Variants in IGF2R observed in about 807,000 individuals in gnomAD.
IGF2R encodes the protein insulin like growth factor 2 receptor.
In IGF2R, 91 loss-of-function variants were observed where a neutral mutation model predicts 270.6. That is an observed-to-expected ratio of 0.34 (90% CI 0.28 to 0.40). The LOEUF is 0.40. Ranked by LOEUF, IGF2R falls within the 10% of genes least tolerant of loss-of-function variation. The pLI, the probability that IGF2R is intolerant of heterozygous loss-of-function variation, is 1.00. For synonymous variants in IGF2R, 1,316 were observed against 1,258.9 expected, an observed-to-expected ratio of 1.05 and a Z score of -0.96; for missense variants, 2,805 against 3,188.3, an observed-to-expected ratio of 0.88 and a Z score of 2.90.
chr6:160,080,139 C>T lies in IGF2R; in HGVS notation c.5697C>T (p.Asp1899=), dbSNP rs143030499. 35 of 1,613,872 alleles carry T rather than the reference C, an allele frequency of 2.2e-5. No homozygotes were observed. The highest frequency in any genetic ancestry group is 3.3e-4 in the Middle Eastern group (2 of 6,082). The change falls in exon 39 of 48, where the codon GAC becomes GAT. Residue 1899 remains aspartate, a synonymous_variant. Coordinates refer to ENST00000356956, the MANE Select transcript of IGF2R (RefSeq NM_000876.4). ...NGDRCPPETD[D]GVPCVFPFIF... Reference sequence around the variant, plus strand: ...TCTTCTTCTTTCCAGAAACCGATGACGGCGTCCCCTGTGTCTTCCCCTTCA... The same window carrying T: ...TCTTCTTCTTTCCAGAAACCGATGATGGCGTCCCCTGTGTCTTCCCCTTCA...
Position 160,058,799 on chromosome 6 carries a change from A to G in IGF2R, c.2899-107A>G, listed in dbSNP as rs533449353. 1.5e-5 allele frequency: 15 copies of G among 996,398 alleles called. No homozygotes were observed. In the East Asian group the frequency reaches 2.4e-4, roughly 16 times the overall value. 61.7% of individuals were successfully genotyped at this position (996,398 alleles called of 1,614,324 possible). A position where few individuals can be genotyped will look rare whatever the true frequency, so the allele number is the denominator to read the frequency against. On this transcript the variant is annotated intron_variant, in intron 21 of 47. Transcript: ENST00000356956. The stretch of plus-strand genomic sequence containing the variant: ...TGGAAAGTTGGCAAGTTAACTAACA[A>G]ATAAGAAATGTTTAACCTAGTGGGA...
intron 1 of IGF2R, among the ~76,000 whole-genome samples, chr6:159,973,617 TC>T (rs1250530083): frequency 6.6e-6 from 1 of 152,176 alleles, no homozygotes; most frequent in Non-Finnish European, 1.5e-5. Flanking sequence ...CTGGATCACA[TC>T]CATTTGTGTG....
chr6:160,065,814 G>GTGTGTGTGTGTATATATATATATATATA, intron 29 of IGF2R, among the ~76,000 whole-genome samples: 1 of 78,392 alleles, frequency 1.3e-5, no homozygotes, highest in Non-Finnish European at 2.3e-5. Context: ...GTGTGTGTGT[G>GTGTGTGTGTGTATATATATATATATATA]TATATATATA....
rs752366051 is a variant in IGF2R at position 160,069,930 on chromosome 6, A to C, written c.4315A>C (p.Arg1439=). ...TGGCTCCAAGCCCGTGAACCTCGGC[A>C]GGGTAAGGGACGGACCTCAGTGGAG... ...LGGSKPVNLG[R]VRDGPQWRDG... is the part of the protein sequence containing the mutation. The change falls in exon 31 of 48, where the codon AGG becomes CGG. Residue 1439 remains arginine, a synonymous_variant. Transcript: ENST00000356956. 7.4e-6 allele frequency: 12 copies of C among 1,614,082 alleles called. No homozygotes were observed. The highest frequency in any genetic ancestry group is 3.3e-4 in the Middle Eastern group (2 of 6,084).
At chr6:160,053,639 C>T (rs946193585) in intron 19 of IGF2R, among the ~76,000 whole-genome samples, 11 of 152,026 alleles carry the variant, frequency 7.2e-5, no homozygotes, top group African/African-American at 2.7e-4. Flanking sequence ...ATTAAACTGA[C>T]CATTCTGACT....
At position 160,059,025 on chromosome 6, in the gene IGF2R, A is replaced by G. The variant is rs1333946455; in HGVS notation, c.3018A>G (p.Gly1006=). 2.5e-6 allele frequency: 4 copies of G among 1,614,252 alleles called. No homozygotes were observed. Among genetic ancestry groups the G allele is most frequent in the Non-Finnish European group, 3.4e-6 (4 of 1,180,042 alleles). ...LKNWKPARPV[G]IEKSLQLSTE... is the part of the protein sequence containing the mutation. Reference sequence around the variant, plus strand: ...ATTGGAAGCCAGCAAGGCCAGTCGGAATTGAGAAAAGCCTCCAGCTGTCCA... The same window carrying G: ...ATTGGAAGCCAGCAAGGCCAGTCGGGATTGAGAAAAGCCTCCAGCTGTCCA... The change falls in exon 22 of 48, where the codon GGA becomes GGG. Residue 1006 remains glycine, a synonymous_variant. Coordinates refer to ENST00000356956, the MANE Select transcript of IGF2R (RefSeq NM_000876.4).
chr6:160,049,848 G>A (rs1116262), intron 18 of IGF2R, among the ~76,000 whole-genome samples: 5,703 of 152,276 alleles, frequency 0.037, 180 homozygotes, highest in East Asian at 0.098. Context: ...CAGTCAGTAC[G>A]CTGAGACATT....
chr6:159,999,669 T>C (rs1784100032), intron 2 of IGF2R, among the ~76,000 whole-genome samples: 1 of 152,164 alleles, frequency 6.6e-6, no homozygotes, highest in African/African-American at 2.4e-5. Context: ...ACAGAAGAGC[T>C]AGCATAGAAA....
At chr6:160,049,427 C>T (rs1016195181) in intron 18 of IGF2R, among the ~76,000 whole-genome samples, 1 of 152,172 alleles carries the variant, frequency 6.6e-6, no homozygotes, top group African/African-American at 2.4e-5. Context: ...AACAGGGGGA[C>T]ACTCTGGCCT....
At chr6:159,999,574 G>A (rs1179143540) in intron 2 of IGF2R, among the ~76,000 whole-genome samples, 2 of 152,144 alleles carry the variant, frequency 1.3e-5, no homozygotes, top group African/African-American at 4.8e-5. Flanking sequence ...ATCTGAGAAC[G>A]AACTTCTTTT....
At chr6:160,036,903 G>GAGCT (rs146030825) in intron 10 of IGF2R, among the ~76,000 whole-genome samples, 1 of 152,274 alleles carries the variant, frequency 6.6e-6, no homozygotes, top group African/African-American at 2.4e-5. Context: ...GGCCCAGAGG[G>GAGCT]AGCTAAAGCC....
chr6:160,079,533 C>A, intron 37 of IGF2R, 47 bp from the exon 38 acceptor site: 1 of 1,323,000 alleles, frequency 7.6e-7, no homozygotes, highest in Non-Finnish European at 9.8e-7. Flanking sequence ...CACTTTGAGA[C>A]CTGGGTGCTG....
chr6:160,048,541 C>G lies in IGF2R; in HGVS notation c.2512C>G (p.Gln838Glu). ...TTGCCAGATGAAGTATGAAAAAGAT[C>G]AGGTGAATCTGTTTTCACTGCTTGT... ...SACQMKYEKD[Q>E]GSFTEVVSIS... Residue 838 changes from glutamine (Q) to glutamate (E), a missense_variant and splice_region_variant, in exon 18 of 48, where the codon CAG becomes GAG. By Grantham distance (29) the Gln-to-Glu change is conservative. This residue lies in a region of IGF2R where 1,851 missense variants were observed against 2,207.2 expected (regional missense o/e 0.84). Coordinates refer to ENST00000356956, the MANE Select transcript of IGF2R (RefSeq NM_000876.4). 6.2e-7 allele frequency: 1 copy of G among 1,613,196 alleles called. No homozygotes were observed. The highest frequency in any genetic ancestry group is 8.5e-7 in the Non-Finnish European group (1 of 1,179,702).
Position 160,079,692 on chromosome 6 carries a change from C to A in IGF2R, c.5591C>A (p.Ala1864Glu). The A allele has an allele frequency of 6.5e-7, 1 of 1,541,106 alleles. No homozygotes were observed. The highest frequency in any genetic ancestry group is 8.7e-7 in the Non-Finnish European group (1 of 1,146,226). ...TGTCTGCTCTCAGGCACCAAGGGGG[C>A]ATCCTTTGGACGGCTGCAATCAATG... ...GVCLLSGTKG[A>E]SFGRLQSMKL... The change falls in exon 38 of 48, where the codon GCA becomes GAA. Residue 1864 changes from alanine (A) to glutamate (E), a missense_variant. Around this residue, in one of 2 missense-constraint regions of IGF2R, gnomAD observed 1,851 missense variants for 2,207.2 expected, o/e 0.84. Coordinates refer to ENST00000356956, the MANE Select transcript of IGF2R (RefSeq NM_000876.4).
At chr6:159,972,153 C>T (rs1473585463) in intron 1 of IGF2R, among the ~76,000 whole-genome samples, 1 of 151,888 alleles carries the variant, frequency 6.6e-6, no homozygotes, top group Non-Finnish European at 1.5e-5. Flanking sequence ...TATCGTGTCA[C>T]CAAGGTGTGA....
intron 4 of IGF2R, among the ~76,000 whole-genome samples, chr6:160,020,355 A>G (rs964422352): frequency 1.3e-5 from 2 of 152,222 alleles, no homozygotes; most frequent in African/African-American, 4.8e-5. Flanking sequence ...AATCAATATC[A>G]TTAAAATGAT....
rs769636416 is a variant in IGF2R at position 160,044,558 on chromosome 6, A to T, written c.1666A>T (p.Met556Leu). 10 of 1,607,240 alleles carry T rather than the reference A, an allele frequency of 6.2e-6. No individual in the cohort carries two copies. The South Asian group carries it at 1.1e-4, about 18-fold the overall frequency. The change falls in exon 13 of 48, where the codon ATG becomes TTG. Residue 556 changes from methionine (M) to leucine (L), a missense_variant. Met to Leu is a conservative substitution (Grantham distance 15). Transcript: ENST00000356956. Reference protein sequence around the residue: ...KNLGKFISSPMKEKGNIQLSY... With the variant: ...KNLGKFISSPLKEKGNIQLSY... Reference sequence around the variant, plus strand: ...TCTGGGAAAATTTATTTCCTCTCCCATGAAAGAGAAAGGAAACATTCAACT... The same window carrying T: ...TCTGGGAAAATTTATTTCCTCTCCCTTGAAAGAGAAAGGAAACATTCAACT...
chr6:160,101,847 T>C (rs1779491544), intron 45 of IGF2R, among the ~76,000 whole-genome samples: 1 of 152,236 alleles, frequency 6.6e-6, no homozygotes, highest in Admixed American at 6.5e-5. Context: ...AACGCACTGC[T>C]TTTTCCCACA....
intron 4 of IGF2R, among the ~76,000 whole-genome samples, chr6:160,012,745 TTATATA>T (rs201706423): frequency 9.5e-6 from 1 of 105,310 alleles, no homozygotes. Context: ...CCCGGCTAAT[TTATATA>T]TATATATATA....
Sources: allele counts gnomAD v4.1 joint callset (sites outside exome capture counted in the v4.1 genomes callset), GRCh38; gene constraint gnomAD v4.1.1; regional missense constraint gnomAD v4.1.1; transcripts MANE v1.5; gene names NCBI Gene and HGNC (gene_info 2026-07-23, HGNC 2026-07-21).